Variants in CDC42BPA observed in about 807,000 individuals in gnomAD.
CDC42BPA encodes CDC42 binding protein kinase alpha.
Under a neutral mutation model 223.5 loss-of-function variants are expected in CDC42BPA, and 80 were observed. The observed-to-expected ratio is 0.36, with a 90% CI of 0.30 to 0.43. The LOEUF is 0.43. Ranked by LOEUF, CDC42BPA falls within the 20% of genes least tolerant of loss-of-function variation. The probability of loss-of-function intolerance (pLI) is 1.00; values close to 1 mark genes in which losing one functional copy is unlikely to be tolerated. For synonymous variants in CDC42BPA, 694 were observed against 718.6 expected (o/e 0.97, Z 0.55); for missense variants, 1,743 against 2,099.9 (o/e 0.83, Z 3.32).
intron 8 of CDC42BPA, among the ~76,000 whole-genome samples, chr1:227,143,256 AT>A (rs1464622231): frequency 6.6e-6 from 1 of 152,218 alleles, no homozygotes; most frequent in Non-Finnish European, 1.5e-5. Context: ...GATATTGAGA[AT>A]ACAGTCATTA....
In CDC42BPA at chr1:227,028,901, C is replaced by A; in HGVS notation, c.4188G>T (p.Val1396=). The A allele has an allele frequency of 5.0e-6, 8 of 1,613,876 alleles. No homozygotes were observed. Among genetic ancestry groups the A allele is most frequent in the Non-Finnish European group, 6.8e-6 (8 of 1,179,794 alleles). The change falls in exon 30 of 37, where the codon GTG becomes GTT. Residue 1396 remains valine (V), a synonymous_variant. Coordinates refer to ENST00000366766, the MANE Select transcript of CDC42BPA (RefSeq NM_001394014.1). ...ATCTTAGAAATCCTGACTGGAATCC[C>A]ACACAGAGTTGTTCACTGAAGATTG... ...WMAIFSEQLC[V]GFQSGFLRYP... is the part of the protein sequence containing the mutation.
chr1:227,279,007 C>A (rs1572825586), intron 1 of CDC42BPA, among the ~76,000 whole-genome samples: 1 of 151,046 alleles, frequency 6.6e-6, no homozygotes, highest in African/African-American at 2.4e-5. Context: ...GTGGTCCTAG[C>A]CTTTTTTTTT....
rs1660565375 is a variant in CDC42BPA, at chr1:226,990,260, T to C, written c.*4008A>G. 6.6e-6 allele frequency: 1 copy of C among 152,204 alleles called. No individual in the cohort carries two copies. The highest frequency in any genetic ancestry group is 2.4e-5 in the African/African-American group (1 of 41,446). 9.4% of individuals were successfully genotyped at this position (152,204 alleles called of 1,614,324 possible). A position where few individuals can be genotyped will look rare whatever the true frequency, so the allele number is the denominator to read the frequency against. On this transcript the variant is annotated 3_prime_UTR_variant, in exon 37 of 37. Transcript: ENST00000366766. Reference sequence around the variant, plus strand: ...AAAAAGACAAGTCATTTTGTTTTCATGAGATTTCAAGGTTGATTTGAGTCA... The same window carrying C: ...AAAAAGACAAGTCATTTTGTTTTCACGAGATTTCAAGGTTGATTTGAGTCA...
chr1:227,161,703 C>T (rs1318374731), intron 5 of CDC42BPA, among the ~76,000 whole-genome samples: 5 of 152,098 alleles, frequency 3.3e-5, no homozygotes, highest in African/African-American at 1.2e-4. Flanking sequence ...ACAGCCATGC[C>T]CATTCATTTA....
chr1:227,241,163 A>G (rs1043435429), intron 2 of CDC42BPA, among the ~76,000 whole-genome samples: 1 of 152,128 alleles, frequency 6.6e-6, no homozygotes, highest in Admixed American at 6.5e-5. Context: ...TTAAGACCAC[A>G]GAATACCACT....
chr1:227,033,363 T>G lies in CDC42BPA; in HGVS notation c.3529A>C (p.Ser1177Arg), dbSNP rs1255861839. The G allele has an allele frequency of 6.2e-7, 1 of 1,612,942 alleles. No individual in the cohort carries two copies. The change falls in exon 27 of 37, where the codon AGT (serine) becomes CGT (arginine). Residue 1177 changes from serine to arginine, a missense_variant. By Grantham distance (110) the Ser-to-Arg change is moderately radical. Transcript: ENST00000366766. ...AATATACAGGGTATATCTTTCCGAC[T>G]TGCATGGATAACATCAGAAGCCAAG... The part of the protein sequence containing the change: ...SVLASDVIHA[S>R]RKDIPCIFRV...
At chr1:227,265,153 A>G in intron 1 of CDC42BPA, 1 of 718,642 alleles carries the variant, frequency 1.4e-6, no homozygotes. Context: ...TCCAGCAACC[A>G]CTTCCACAGT....
chr1:227,055,833 T>C (rs896194994), intron 21 of CDC42BPA, among the ~76,000 whole-genome samples: 1 of 152,060 alleles, frequency 6.6e-6, no homozygotes, highest in Non-Finnish European at 1.5e-5. Context: ...AAGGTGTTAC[T>C]CTGACGAACA....
chr1:227,202,442 T>C (rs944220652), intron 3 of CDC42BPA, among the ~76,000 whole-genome samples: 26 of 152,276 alleles, frequency 1.7e-4, no homozygotes, highest in African/African-American at 5.3e-4. Flanking sequence ...CCTGGCTTCA[T>C]CTCACTATAA....
At chr1:227,106,314 T>C (rs950258529) in intron 14 of CDC42BPA, among the ~76,000 whole-genome samples, 2 of 152,192 alleles carry the variant, frequency 1.3e-5, no homozygotes, top group African/African-American at 2.4e-5. Flanking sequence ...TGAGCTGTAG[T>C]TCTTCATATA....
In CDC42BPA at chr1:227,289,755, C is replaced by T. The variant is rs190087832; in HGVS notation, c.178+27250G>A. On this transcript the variant is annotated intron_variant, in intron 1 of 36. Transcript: ENST00000366766. ...CAAAAAACAACAAATCTTAAGGGTACTTATGTTTCGGCGGAAAATAATTTC... is the reference window on the plus strand; with the variant it reads ...CAAAAAACAACAAATCTTAAGGGTATTTATGTTTCGGCGGAAAATAATTTC... 1.5e-3 allele frequency among the ~76,000 whole-genome samples: 233 copies of T among 152,200 alleles called. 2 individuals are homozygous for T. Among genetic ancestry groups the T allele is most frequent in the African/African-American group, 4.8e-3 (198 of 41,508 alleles).
chr1:227,144,314 T>G (rs560736716), intron 8 of CDC42BPA, among the ~76,000 whole-genome samples: 1 of 152,124 alleles, frequency 6.6e-6, no homozygotes, highest in Non-Finnish European at 1.5e-5. Context: ...CAGTGGCTCA[T>G]GCCTATAATC....
intron 32 of CDC42BPA, among the ~76,000 whole-genome samples, chr1:227,018,800 GT>G (rs1443171604): frequency 6.6e-6 from 1 of 152,152 alleles, no homozygotes; most frequent in African/African-American, 2.4e-5. Flanking sequence ...ACTGTAGTCT[GT>G]TAAGTGTGCA....
intron 10 of CDC42BPA, among the ~76,000 whole-genome samples, chr1:227,130,977 C>T (rs1656982613): frequency 6.6e-6 from 1 of 152,180 alleles, no homozygotes; most frequent in Admixed American, 6.5e-5. Context: ...CTCATTATTG[C>T]CACCTCTTTC....
intron 30 of CDC42BPA, among the ~76,000 whole-genome samples, chr1:227,027,919 C>T (rs534937117): frequency 6.6e-6 from 1 of 152,006 alleles, no homozygotes; most frequent in African/African-American, 2.4e-5. Flanking sequence ...GAATTTGAGA[C>T]CAGCCTGAAC....
At chr1:227,265,564 G>A (rs1684851204) in intron 1 of CDC42BPA, among the ~76,000 whole-genome samples, 1 of 151,450 alleles carries the variant, frequency 6.6e-6, no homozygotes, top group Non-Finnish European at 1.5e-5. Flanking sequence ...GGGAGGTGGA[G>A]GTTGCAGTGA....
chr1:227,173,587 A>AT (rs753201005), intron 5 of CDC42BPA, among the ~76,000 whole-genome samples: 268 of 152,244 alleles, frequency 1.8e-3, no homozygotes, highest in Non-Finnish European at 3.0e-3. Flanking sequence ...CCCTAAAAAA[A>AT]CTATAAAAAC....
At position 227,168,497 on chromosome 1, in the gene CDC42BPA, G is replaced by GTTT. The variant is rs1292387936; in HGVS notation, c.600-7864_600-7862dup. Among the ~76,000 whole-genome samples the GTTT allele has an allele frequency of 3.4e-4, 27 of 80,210 alleles. 3 individuals carry two copies. The highest frequency in any genetic ancestry group is 2.2e-3 in the South Asian group (5 of 2,230). 52.6% of individuals were successfully genotyped at this position (80,210 alleles called of 152,430 possible). A position where few individuals can be genotyped will look rare whatever the true frequency, so the allele number is the denominator to read the frequency against. On this transcript the variant is annotated intron_variant, in intron 5 of 36. Transcript: ENST00000366766. ...CTTTTTCATATTTATCTTCCCTGGT[G>GTTT]TTTTTTTTTTTTTTTTGAGGCAGAG...
chr1:227,244,885 G>C (rs113514161), intron 2 of CDC42BPA, among the ~76,000 whole-genome samples: 1 of 152,218 alleles, frequency 6.6e-6, no homozygotes, highest in African/African-American at 2.4e-5. Context: ...GAGGGAAAGC[G>C]CAGAGACTCA....
Sources: allele counts gnomAD v4.1 joint callset (sites outside exome capture counted in the v4.1 genomes callset), GRCh38; gene constraint gnomAD v4.1.1; transcripts MANE v1.5; gene names NCBI Gene and HGNC (gene_info 2026-07-23, HGNC 2026-07-21).